TULP4: variants seen among roughly 807,000 people sequenced by gnomAD.
TULP4 encodes the protein TUB like protein 4, also known as tubby-related protein 4.
In TULP4, 16 loss-of-function variants were observed where a neutral mutation model predicts 129.0. The ratio of observed to expected loss-of-function variants is 0.12; its 90% CI spans 0.08 to 0.19. TULP4 has a LOEUF of 0.19. TULP4 is among the 10% of genes least tolerant of loss of function. The pLI is 1.00. For synonymous variants in TULP4, 998 were observed against 854.0 expected (o/e 1.17, Z -2.94); for missense variants, 1,842 against 2,059.1 (o/e 0.89, Z 2.04).
intron 13 of TULP4, among the ~76,000 whole-genome samples, chr6:158,505,702 C>T (rs1157259642): frequency 6.6e-6 from 1 of 152,150 alleles, no homozygotes; most frequent in Non-Finnish European, 1.5e-5. Flanking sequence ...GAGGAAGTGG[C>T]CAGCAAGTCC....
intron 6 of TULP4, among the ~76,000 whole-genome samples, chr6:158,462,677 T>A (rs1779459750): frequency 6.6e-6 from 1 of 151,782 alleles, no homozygotes; most frequent in Non-Finnish European, 1.5e-5. Context: ...CCAGCCAGAT[T>A]TTCTTTGTAG....
intron 1 of TULP4, among the ~76,000 whole-genome samples, chr6:158,246,023 G>GGTGTGTGTGTGT (rs66690741): frequency 0.012 from 1,700 of 145,892 alleles, 16 homozygotes; most frequent in Middle Eastern, 0.018. Flanking sequence ...ACCCCTTAGG[G>GGTGTGTGTGTGT]GTGTGTGTGT....
chr6:158,284,168 G>A (rs1216521292), intron 1 of TULP4, among the ~76,000 whole-genome samples: 1 of 152,212 alleles, frequency 6.6e-6, no homozygotes, highest in African/African-American at 2.4e-5. Flanking sequence ...AACTGAATTG[G>A]GAAGTGAGCA....
At chr6:158,390,182 A>AT in intron 1 of TULP4, among the ~76,000 whole-genome samples, 1 of 152,334 alleles carries the variant, frequency 6.6e-6, no homozygotes, top group South Asian at 2.1e-4. Context: ...CAAAGAATCA[A>AT]CCATTAACAG....
chr6:158,337,976 T>G (rs1780086495), intron 1 of TULP4, among the ~76,000 whole-genome samples: 1 of 152,154 alleles, frequency 6.6e-6, no homozygotes, highest in Non-Finnish European at 1.5e-5. Context: ...AAGTCACACT[T>G]TCACCCAACC....
intron 5 of TULP4, 77 bp from the exon 6 acceptor site, chr6:158,461,486 C>T: frequency 1.4e-6 from 2 of 1,408,156 alleles, no homozygotes; most frequent in South Asian, 2.7e-5. Flanking sequence ...TTTTAAACTA[C>T]TGAAGACAGT....
intron 1 of TULP4, among the ~76,000 whole-genome samples, chr6:158,355,695 G>A (rs1780630902): frequency 6.6e-6 from 1 of 152,126 alleles, no homozygotes. Flanking sequence ...TAAAATTAGT[G>A]GGATCATGGA....
intron 13 of TULP4, among the ~76,000 whole-genome samples, chr6:158,504,433 G>A (rs1360447224): frequency 7.9e-5 from 12 of 151,736 alleles, no homozygotes; most frequent in Non-Finnish European, 1.2e-4. Context: ...TGCAAGCTAC[G>A]CCTCCTGGGT....
At chr6:158,352,532 G>A (rs968651673) in intron 1 of TULP4, among the ~76,000 whole-genome samples, 22 of 152,166 alleles carry the variant, frequency 1.4e-4, no homozygotes, top group Admixed American at 4.6e-4. Flanking sequence ...GAGTACCTGG[G>A]ATTACAGGTG....
At chr6:158,292,069 A>T (rs1778952123) in intron 1 of TULP4, among the ~76,000 whole-genome samples, 1 of 152,120 alleles carries the variant, frequency 6.6e-6, no homozygotes, top group Admixed American at 6.5e-5. Context: ...TATCTGGGGG[A>T]ATCCTTATTT....
upstream of TULP4, chr6:158,312,031 C>T (rs1441377209): frequency 4.5e-5 from 17 of 376,164 alleles, no homozygotes; most frequent in Admixed American, 4.6e-4. Context: ...AATTTTATAT[C>T]TTTTTTTTTT....
intron 1 of TULP4, among the ~76,000 whole-genome samples, chr6:158,289,607 G>A (rs758406553): frequency 3.3e-5 from 5 of 151,974 alleles, no homozygotes; most frequent in Admixed American, 6.5e-5. Context: ...TTGAGACAGC[G>A]TCTCATTTTG....
intron 1 of TULP4, among the ~76,000 whole-genome samples, chr6:158,333,553 C>A (rs1258704100): frequency 1.3e-5 from 2 of 152,208 alleles, no homozygotes; most frequent in African/African-American, 4.8e-5. Flanking sequence ...GCTTGCAGTT[C>A]TTCTTCACCT....
At chr6:158,501,607 G>A (rs751220936) in intron 12 of TULP4, 71 bp from the exon 13 acceptor site, 58 of 1,446,684 alleles carry the variant, frequency 4.0e-5, no homozygotes, top group South Asian at 9.0e-5. Context: ...GAGTCCAGAC[G>A]TATTGCTTAT....
rs1482204639 is a variant in TULP4 at position 158,502,829 on chromosome 6, A to G, written c.3166A>G (p.Thr1056Ala). ...SSQPGASLAH[T>A]ASASPLASQS... ...ACAGCCCGGAGCCTCCCTGGCCCAT[A>G]CCGCCAGCGCCTCCCCGTTGGCCTC... is the stretch of plus-strand genomic sequence containing the variant. Residue 1056 changes from threonine (T) to alanine (A), a missense_variant, in exon 13 of 14, where the codon ACC becomes GCC. Transcript: ENST00000367097. 1 of 1,612,764 alleles carries G rather than the reference A, an allele frequency of 6.2e-7. No individual in the cohort carries two copies. The highest frequency in any genetic ancestry group is 1.1e-5 in the South Asian group (1 of 91,052).
chr6:158,331,053 C>G lies in TULP4; in HGVS notation c.252+16785C>G, dbSNP rs546722214. Among the ~76,000 whole-genome samples, 100 of 152,270 alleles carry G rather than the reference C, an allele frequency of 6.6e-4. 1 individual carries two copies. The highest frequency in any genetic ancestry group is 2.1e-3 in the African/African-American group (86 of 41,564). On this transcript the variant is annotated intron_variant, in intron 1 of 13. Coordinates refer to ENST00000367097, the MANE Select transcript of TULP4 (RefSeq NM_020245.5). ...GGTGATGTTAATTTTGATCACCTGG[C>G]CAAAGTGCTGTCCATTTTCTCAACT...
chr6:158,486,182 C>T (rs1215280374), intron 8 of TULP4, among the ~76,000 whole-genome samples: 1 of 152,054 alleles, frequency 6.6e-6, no homozygotes, highest in Non-Finnish European at 1.5e-5. Context: ...TCCTGACTCC[C>T]AATGTGACTG....
chr6:158,267,867 T>C (rs567009446), intron 1 of TULP4, among the ~76,000 whole-genome samples: 4 of 152,296 alleles, frequency 2.6e-5, no homozygotes, highest in Admixed American at 2.6e-4. Flanking sequence ...GAATTAAGGC[T>C]CTTGGTGCTT....
At position 158,501,699 on chromosome 6, in the gene TULP4, C is replaced by T. The variant is rs367867177; in HGVS notation, c.2036C>T (p.Pro679Leu). 1.9e-6 allele frequency: 3 copies of T among 1,609,540 alleles called. No individual in the cohort carries two copies. The highest frequency in any genetic ancestry group is 2.7e-5 in the African/African-American group (2 of 74,830). ...DLPVTGASGV[P>L]ENSPPCTVNI... Reference sequence around the variant, plus strand: ...CCAGTGACAGGAGCATCTGGTGTCCCTGAGAACAGCCCACCTTGTACCGTG... The same window carrying T: ...CCAGTGACAGGAGCATCTGGTGTCCTTGAGAACAGCCCACCTTGTACCGTG... The change falls in exon 13 of 14, where the codon CCT becomes CTT. Residue 679 changes from proline to leucine, a missense_variant. By Grantham distance (98) the Pro-to-Leu change is moderately conservative. Coordinates refer to ENST00000367097, the MANE Select transcript of TULP4 (RefSeq NM_020245.5).
Sources: allele counts gnomAD v4.1 joint callset (sites outside exome capture counted in the v4.1 genomes callset), GRCh38; gene constraint gnomAD v4.1.1; transcripts MANE v1.5; gene names NCBI Gene and HGNC (gene_info 2026-07-23, HGNC 2026-07-21).